MTMR8: variants seen among roughly 807,000 people sequenced by gnomAD.
The protein encoded by MTMR8 is phosphatidylinositol-3,5-bisphosphate 3-phosphatase MTMR8.
A neutral mutation model predicts 39.3 loss-of-function variants in MTMR8; 65 were observed. The observed-to-expected ratio is 1.65, with a 90% confidence interval of 1.35 to 2.03. MTMR8 has a LOEUF of 2.03. Ranked by LOEUF, MTMR8 falls within the 30% of genes most tolerant of loss-of-function variation. MTMR8 has a pLI of 0.00. For synonymous variants in MTMR8, 245 were observed against 185.2 expected (o/e 1.32, Z -2.62); for missense variants, 777 against 538.9 (o/e 1.44, Z -4.37).
intron 4 of MTMR8, 52 bp downstream of exon 4, chrX:64,354,725 T>C (rs1392428400): frequency 9.3e-7 from 1 of 1,078,087 alleles, no homozygotes; most frequent in Non-Finnish European, 1.2e-6. Context: ...TTCCTGATAT[T>C]CTACCATCTT....
chrX:64,322,805 T>C (rs768414405), intron 12 of MTMR8, among the ~76,000 whole-genome samples: 1 of 112,786 alleles, frequency 8.9e-6, no homozygotes, highest in Admixed American at 9.3e-5. Context: ...TAGGAAGGGC[T>C]CTGTCTTGCA....
intron 12 of MTMR8, among the ~76,000 whole-genome samples, chrX:64,301,119 G>A (rs1386580693): frequency 9.3e-6 from 1 of 107,716 alleles, no homozygotes; most frequent in Non-Finnish European, 1.9e-5. Context: ...TCTGAACGTT[G>A]GCCTGCCTTG....
rs778280649 is a variant in MTMR8 at position 64,269,019 on chromosome X, G to T, written c.1633C>A (p.Pro545Thr). The stretch of plus-strand genomic sequence containing the variant: ...TGAGAGCAGGTACAGATCTCTTCTG[G>T]TGGCTCATCACGGACTTTTAGTTTC... ...EKKLKVRDEPPEEICTCSQLG... is the reference protein window; with the variant it reads ...EKKLKVRDEPTEEICTCSQLG... The change falls in exon 14 of 14, where the codon CCA becomes ACA. Residue 545 changes from proline (P) to threonine (T), a missense_variant. Coordinates refer to ENST00000374852, the MANE Select transcript of MTMR8 (RefSeq NM_017677.4). The T allele has an allele frequency of 2.5e-6, 3 of 1,210,171 alleles. No individual in the cohort carries two copies. In the Admixed American group the frequency reaches 6.5e-5, roughly 26 times the overall value.
intron 7 of MTMR8, 137 bp from the exon 8 acceptor site, chrX:64,343,857 T>A: frequency 2.1e-6 from 1 of 470,930 alleles, no homozygotes; most frequent in Non-Finnish European, 3.7e-6. Context: ...AACCACACAG[T>A]GAGTCAGGGA....
At chrX:64,331,786 G>T (rs375680951) in intron 10 of MTMR8, 29 bp from the exon 11 acceptor site, 19 of 1,119,760 alleles carry the variant, frequency 1.7e-5, no homozygotes, top group Non-Finnish European at 2.3e-5. Flanking sequence ...GGTAAAGAAA[G>T]ACACTAGTTA....
intron 1 of MTMR8, among the ~76,000 whole-genome samples, chrX:64,377,823 C>G (rs1048192626): frequency 9.9e-4 from 111 of 111,842 alleles, no homozygotes; most frequent in African/African-American, 3.4e-3. Flanking sequence ...GCTCTATGTC[C>G]CCACCCAAAT....
At position 64,359,534 on chromosome X, in the gene MTMR8, T is replaced by C. The variant is rs1923721904; in HGVS notation, c.25-7A>G. ...CCAATTTCACGTTTTCTACCTGTTA[T>C]TGGAGGAAAAAATACTGAATAAGTT... On this transcript the variant is annotated splice_region_variant and splice_polypyrimidine_tract_variant and intron_variant, in intron 1 of 13. Coordinates refer to ENST00000374852, the MANE Select transcript of MTMR8 (RefSeq NM_017677.4). 7.5e-6 allele frequency: 9 copies of C among 1,196,511 alleles called. No individual in the cohort carries two copies. The highest frequency in any genetic ancestry group is 1.0e-5 in the Non-Finnish European group (9 of 886,846).
intron 12 of MTMR8, among the ~76,000 whole-genome samples, chrX:64,287,303 C>G (rs1226355212): frequency 3.4e-4 from 37 of 110,380 alleles, no homozygotes; most frequent in South Asian, 3.8e-4. Flanking sequence ...CACTGCTCAA[C>G]GAAATAAAAG....
Position 64,329,007 on chromosome X carries a change from T to A in MTMR8, c.1353-107A>T. 2.7e-6 allele frequency: 2 copies of A among 752,766 alleles called. 1 individual carries two copies. Among genetic ancestry groups the A allele is most frequent in the Non-Finnish European group, 3.6e-6 (2 of 548,296 alleles). The allele number at this position is 752,766 out of a possible 1,213,427, so 62.0% of individuals were successfully genotyped here. On this transcript the variant is annotated intron_variant, in intron 11 of 13. Coordinates refer to ENST00000374852, the MANE Select transcript of MTMR8 (RefSeq NM_017677.4). Reference sequence around the variant, plus strand: ...AAATTTTACTAATAAGTAACCCAGCTCAAGAAAGGACGACAGGATATGACA... The same window carrying A: ...AAATTTTACTAATAAGTAACCCAGCACAAGAAAGGACGACAGGATATGACA...
At chrX:64,381,922 G>A (rs1178206973) in intron 1 of MTMR8, among the ~76,000 whole-genome samples, 4 of 111,386 alleles carry the variant, frequency 3.6e-5, no homozygotes, top group East Asian at 2.8e-4. Flanking sequence ...GTAGATATGC[G>A]GCATTAGTTC....
intron 12 of MTMR8, among the ~76,000 whole-genome samples, chrX:64,300,395 C>T (rs1921813334): frequency 9.0e-6 from 1 of 111,395 alleles, no homozygotes; most frequent in South Asian, 3.8e-4. Context: ...ACTAGCATTG[C>T]AAACCCTGCC....
rs751782988 is a variant in MTMR8 at position 64,275,771 on chromosome X, A to G, written c.1482-4698T>C. 1.7e-4 allele frequency among the ~76,000 whole-genome samples: 19 copies of G among 111,472 alleles called. 1 individual carries two copies. The South Asian group carries it at 6.3e-3, about 37-fold the overall frequency. On this transcript the variant is annotated intron_variant, in intron 12 of 13. Coordinates refer to ENST00000374852, the MANE Select transcript of MTMR8 (RefSeq NM_017677.4). ...AAAAGAGAAGACTTGAATAAATAAA[A>G]TCAGAAACAGAAAAGGAGATATTAC... is the stretch of plus-strand genomic sequence containing the variant.
chrX:64,386,574 G>A (rs185148403), intron 1 of MTMR8, among the ~76,000 whole-genome samples: 7 of 111,869 alleles, frequency 6.3e-5, no homozygotes, highest in Admixed American at 1.9e-4. Context: ...CTACCACCAC[G>A]GAAAATACTT....
At chrX:64,393,782 A>T (rs902540438) in intron 1 of MTMR8, among the ~76,000 whole-genome samples, 4 of 112,216 alleles carry the variant, frequency 3.6e-5, no homozygotes, top group African/African-American at 1.3e-4. Flanking sequence ...AGGGAGTCAG[A>T]AAAAAAGGTT....
At chrX:64,366,349 G>A (rs761877742) in intron 1 of MTMR8, among the ~76,000 whole-genome samples, 2 of 111,615 alleles carry the variant, frequency 1.8e-5, no homozygotes, top group Non-Finnish European at 3.8e-5. Context: ...TGACCACATA[G>A]TTGGAAGTAA....
intron 11 of MTMR8, 119 bp from the exon 12 acceptor site, chrX:64,329,019 G>T: frequency 1.8e-6 from 1 of 570,020 alleles, no homozygotes; most frequent in Non-Finnish European, 2.5e-6. Context: ...AAGAAAGGAC[G>T]ACAGGATATG....
intron 12 of MTMR8, among the ~76,000 whole-genome samples, chrX:64,309,179 G>A (rs1295630598): frequency 1.8e-5 from 2 of 111,701 alleles, no homozygotes; most frequent in Non-Finnish European, 3.8e-5. Context: ...AGATTTTATT[G>A]GATCTATAAA....
rs751076653 is a variant in MTMR8, at chrX:64,268,525, T to C, written c.*12A>G. 34 of 1,190,785 alleles carry C rather than the reference T, an allele frequency of 2.9e-5. 1 individual carries two copies. The highest frequency in any genetic ancestry group is 2.3e-4 in the African/African-American group (13 of 56,492). ...CTGTAGGTATACCTAGCATGGAAGA[T>C]GAGTAACTAACTCACTGATGCTTGG... is the stretch of plus-strand genomic sequence containing the variant. On this transcript the variant is annotated 3_prime_UTR_variant, in exon 14 of 14. Transcript: ENST00000374852.
At chrX:64,317,562 C>A (rs1323396541) in intron 12 of MTMR8, among the ~76,000 whole-genome samples, 1 of 111,331 alleles carries the variant, frequency 9.0e-6, no homozygotes, top group Non-Finnish European at 1.9e-5. Flanking sequence ...TCTTGAATTT[C>A]TTTGCTGAGA....
Sources: gnomAD v4.1 joint callset for allele counts (sites outside exome capture counted in the v4.1 genomes callset) on GRCh38, gnomAD v4.1.1 for gene constraint, MANE v1.5 for transcripts, NCBI Gene and HGNC (gene_info 2026-07-23, HGNC 2026-07-21) for gene names.